STPG2: variants seen among roughly 807,000 people sequenced by gnomAD.
STPG2 encodes the protein sperm-tail PG-rich repeat-containing protein 2.
Under a neutral mutation model 54.2 loss-of-function variants are expected in STPG2, and 56 were observed. The ratio of observed to expected loss-of-function variants is 1.03; its 90% CI spans 0.83 to 1.29. The LOEUF (loss-of-function observed/expected upper bound fraction) is 1.29, where lower values mean the gene tolerates loss of function less well. Among genes scored for constraint, STPG2 ranks in the 50% most tolerant of loss-of-function variants. STPG2 has a pLI of 0.00. For missense variants in STPG2, 596 were observed against 544.9 expected (o/e 1.09, Z -0.93); for synonymous variants, 200 against 181.8 (o/e 1.10, Z -0.81).
At chr4:97,694,810 CACAAAAAA>C (rs1723508426) in intron 10 of STPG2, among the ~76,000 whole-genome samples, 1 of 17,134 alleles carries the variant, frequency 5.8e-5, no homozygotes, top group African/African-American at 2.0e-4. Flanking sequence ...AAGACTCTGT[CACAAAAAA>C]AAAAAAAAAA....
intron 7 of STPG2, among the ~76,000 whole-genome samples, chr4:97,946,948 T>C (rs1020330617): frequency 2.6e-5 from 4 of 152,154 alleles, no homozygotes; most frequent in Non-Finnish European, 5.9e-5. Flanking sequence ...GGTATTTTGA[T>C]AGGAATTGCA....
chr4:97,677,043 C>T (rs1722872963), intron 10 of STPG2, among the ~76,000 whole-genome samples: 1 of 152,000 alleles, frequency 6.6e-6, no homozygotes. Context: ...GTAGTTTTTA[C>T]TTTTTGTTTT....
At chr4:97,651,966 T>C (rs1243960056) in intron 10 of STPG2, among the ~76,000 whole-genome samples, 1 of 152,076 alleles carries the variant, frequency 6.6e-6, no homozygotes, top group Non-Finnish European at 1.5e-5. Flanking sequence ...ATTGTGAATA[T>C]AGTTATGCTA....
chr4:98,085,272 T>C (rs1250191383), intron 5 of STPG2, among the ~76,000 whole-genome samples: 1 of 152,108 alleles, frequency 6.6e-6, no homozygotes, highest in Non-Finnish European at 1.5e-5. Context: ...ATTTCTGTAC[T>C]CTCTAATTTT....
At chr4:97,658,296 C>G (rs1451190059) in intron 10 of STPG2, among the ~76,000 whole-genome samples, 1 of 152,138 alleles carries the variant, frequency 6.6e-6, no homozygotes, top group Non-Finnish European at 1.5e-5. Flanking sequence ...CCATTGTCCT[C>G]TAGTAGATGA....
At chr4:97,719,760 T>C (rs982263148) in intron 9 of STPG2, among the ~76,000 whole-genome samples, 1 of 151,954 alleles carries the variant, frequency 6.6e-6, no homozygotes, top group African/African-American at 2.4e-5. Flanking sequence ...CTACCTAGAA[T>C]CTACTTCTGT....
chr4:97,656,887 T>A (rs1722232334), intron 10 of STPG2, among the ~76,000 whole-genome samples: 1 of 151,982 alleles, frequency 6.6e-6, no homozygotes, highest in Non-Finnish European at 1.5e-5. Context: ...TTAAATGAGT[T>A]TAGAAGGAAA....
At chr4:98,137,720 A>G (rs1352067445) in intron 1 of STPG2, among the ~76,000 whole-genome samples, 2 of 150,706 alleles carry the variant, frequency 1.3e-5, no homozygotes, top group Non-Finnish European at 3.0e-5. Context: ...CAGAGTACTG[A>G]AATTCATATA....
intron 10 of STPG2, among the ~76,000 whole-genome samples, chr4:97,576,121 C>T (rs1039294856): frequency 1.3e-5 from 2 of 151,806 alleles, no homozygotes; most frequent in Admixed American, 6.6e-5. Context: ...ATGATATAAA[C>T]AAATGGAAAA....
chr4:97,724,690 C>T lies in STPG2; in HGVS notation c.1205-11876G>A, dbSNP rs142633811. Among the ~76,000 whole-genome samples the T allele has an allele frequency of 8.7e-4, 132 of 152,172 alleles. 1 individual carries two copies. Among genetic ancestry groups the T allele is most frequent in the Admixed American group, 1.6e-3 (25 of 15,278 alleles). On this transcript the variant is annotated intron_variant, in intron 9 of 10. Coordinates refer to ENST00000295268, the MANE Select transcript of STPG2 (RefSeq NM_174952.3). ...ATATCTTTTCTTCCAATACTTCCTT[C>T]TTTTTGTGTTATTAGGTATTCTATC...
chr4:97,566,470 C>T (rs944387576), intron 10 of STPG2, among the ~76,000 whole-genome samples: 4 of 152,152 alleles, frequency 2.6e-5, no homozygotes, highest in African/African-American at 7.2e-5. Context: ...TCTGGCACTC[C>T]CTAGTGAGAC....
intron 10 of STPG2, among the ~76,000 whole-genome samples, chr4:97,588,159 C>T (rs913851644): frequency 6.6e-6 from 1 of 151,852 alleles, no homozygotes; most frequent in African/African-American, 2.4e-5. Context: ...GGGTAGATCA[C>T]TTGAGGTTAG....
At chr4:98,140,480 T>C (rs926208099) in intron 1 of STPG2, among the ~76,000 whole-genome samples, 2 of 151,962 alleles carry the variant, frequency 1.3e-5, no homozygotes, top group African/African-American at 4.8e-5. Context: ...ATAGAAATAA[T>C]GAGAGCTTGA....
intron 5 of STPG2, among the ~76,000 whole-genome samples, chr4:97,995,398 A>G (rs767430416): frequency 1.3e-5 from 2 of 151,868 alleles, no homozygotes; most frequent in Non-Finnish European, 2.9e-5. Flanking sequence ...AAAGTATACA[A>G]TGTGGGTCTC....
At chr4:97,933,714 T>C (rs1046033355) in intron 8 of STPG2, among the ~76,000 whole-genome samples, 2 of 152,178 alleles carry the variant, frequency 1.3e-5, no homozygotes, top group African/African-American at 4.8e-5. Context: ...TCTGTTCCGT[T>C]GATCTATGTG....
intron 9 of STPG2, among the ~76,000 whole-genome samples, chr4:97,791,722 G>C (rs1359871468): frequency 1.3e-5 from 2 of 151,762 alleles, no homozygotes; most frequent in Non-Finnish European, 2.9e-5. Flanking sequence ...TAATGACACA[G>C]TAATCATATA....
At chr4:97,536,930 T>C (rs910465544) in intron 4 of STPG2, among the ~76,000 whole-genome samples, 3 of 152,222 alleles carry the variant, frequency 2.0e-5, no homozygotes, top group African/African-American at 7.2e-5. Context: ...AAGTGTTTCA[T>C]ACATAATCAT....
At chr4:97,718,953 G>A (rs1339412742) in intron 9 of STPG2, among the ~76,000 whole-genome samples, 1 of 151,858 alleles carries the variant, frequency 6.6e-6, no homozygotes, top group East Asian at 1.9e-4. Flanking sequence ...TCCAAAATCT[G>A]AAACTTTTCA....
chr4:97,858,484 T>C (rs1472379572), intron 8 of STPG2, among the ~76,000 whole-genome samples: 1 of 152,174 alleles, frequency 6.6e-6, no homozygotes, highest in Non-Finnish European at 1.5e-5. Flanking sequence ...CAGTAATTTC[T>C]GAGATTTTGG....
Sources: gnomAD v4.1 joint callset for allele counts (sites outside exome capture counted in the v4.1 genomes callset) on GRCh38, gnomAD v4.1.1 for gene constraint, MANE v1.5 for transcripts, NCBI Gene and HGNC (gene_info 2026-07-23, HGNC 2026-07-21) for gene names.